The following PRAMEF2 variants were observed in gnomAD, a reference collection of about 807,000 sequenced individuals.
The protein encoded by PRAMEF2 is PRAME family member 2.
In PRAMEF2, 35 loss-of-function variants were observed where a neutral mutation model predicts 38.0. The ratio of observed to expected loss-of-function variants is 0.92; its 90% CI spans 0.70 to 1.22. The LOEUF (loss-of-function observed/expected upper bound fraction) is 1.22, where lower values mean the gene tolerates loss of function less well. Ranked by LOEUF, PRAMEF2 falls within the 50% of genes most tolerant of loss-of-function variation. PRAMEF2 has a pLI of 0.00. For synonymous variants in PRAMEF2, 240 were observed against 232.4 expected (o/e 1.03, Z -0.30); for missense variants, 562 against 553.9 (o/e 1.01, Z -0.15).
At position 12,860,543 on chromosome 1, in the gene PRAMEF2, G is replaced by T. The variant is rs553997255; in HGVS notation, c.866+272G>T. On this transcript the variant is annotated intron_variant, in intron 3 of 3. Transcript: ENST00000240189. Reference sequence around the variant, plus strand: ...CAGTGGGGGTTTCAGCTCTATTGGGGGTGCACGTGTGAATTTCCTGTTACA... The same window carrying T: ...CAGTGGGGGTTTCAGCTCTATTGGGTGTGCACGTGTGAATTTCCTGTTACA... 1.1e-3 allele frequency among the ~76,000 whole-genome samples: 164 copies of T among 149,832 alleles called. 6 individuals are homozygous for T. Among genetic ancestry groups the T allele is most frequent in the African/African-American group, 3.7e-3 (153 of 40,824 alleles).
chr1:12,861,880 A>T lies in PRAMEF2; in HGVS notation c.*101A>T, dbSNP rs1640562676. ...GTGCAAACTATTTTTCTCTTTTCTT[A>T]TTTATTTCATTTTTTAATAATTCCA... is the stretch of plus-strand genomic sequence containing the variant. On this transcript the variant is annotated 3_prime_UTR_variant, in exon 4 of 4. Transcript: ENST00000240189. 6 of 1,445,206 alleles carry T rather than the reference A, an allele frequency of 4.2e-6. 1 individual carries two copies. The Admixed American group carries it at 8.2e-5, about 20-fold the overall frequency. 89.5% of individuals were successfully genotyped at this position (1,445,206 alleles called of 1,614,324 possible). A position where few individuals can be genotyped will look rare whatever the true frequency, so the allele number is the denominator to read the frequency against.
chr1:12,858,519 T>C (rs1015985417), intron 1 of PRAMEF2, among the ~76,000 whole-genome samples: 5 of 149,908 alleles, frequency 3.3e-5, no homozygotes, highest in African/African-American at 7.3e-5. Flanking sequence ...TGGTAGAAAA[T>C]TTTCAAAATA....
At chr1:12,861,098 C>T (rs1165525516) in intron 3 of PRAMEF2, 123 bp from the exon 4 acceptor site, 1 of 1,171,162 alleles carries the variant, frequency 8.5e-7, no homozygotes, top group Non-Finnish European at 1.2e-6. Context: ...TCCATGAGGA[C>T]CATCATCAGA....
rs746844533 is a variant in PRAMEF2 at position 12,859,841 on chromosome 1, C to G, written c.436C>G (p.Pro146Ala). The change falls in exon 3 of 4, where the codon CCC (proline) becomes GCC (alanine). Residue 146 changes from proline (P) to alanine (A), a missense_variant. This residue lies in a region of PRAMEF2 where 486 missense variants were observed against 444.2 expected (regional missense o/e 1.09). Transcript: ENST00000240189. ...EDCPRTGEHQPLKVFIDICLK... is the reference protein window; with the variant it reads ...EDCPRTGEHQALKVFIDICLK... ...CTGTCCAAGGACGGGAGAGCACCAG[C>G]CCTTAAAGGTGTTCATAGACATCTG... 2 of 1,607,386 alleles carry G rather than the reference C, an allele frequency of 1.2e-6. No homozygotes were observed. The highest frequency in any genetic ancestry group is 1.7e-6 in the Non-Finnish European group (2 of 1,177,620).
rs1220039751 is a variant in PRAMEF2 at position 12,859,800 on chromosome 1, G to A, written c.395G>A (p.Arg132Lys). The A allele has an allele frequency of 1.2e-6, 2 of 1,607,328 alleles. No individual in the cohort carries two copies. Among genetic ancestry groups the A allele is most frequent in the Admixed American group, 1.7e-5 (1 of 58,374 alleles). ...TGCTTCCCAGAGGCCATGAGTAAGA[G>A]GCAGACAGCAGAGGACTGTCCAAGG... ...LSCFPEAMSK[R>K]QTAEDCPRTG... is the part of the protein sequence containing the mutation. The change falls in exon 3 of 4, where the codon AGG becomes AAG. Residue 132 changes from arginine (R) to lysine (K), a missense_variant. Around this residue, in one of 2 missense-constraint regions of PRAMEF2, gnomAD observed 486 missense variants for 444.2 expected, o/e 1.09. Coordinates refer to ENST00000240189, the MANE Select transcript of PRAMEF2 (RefSeq NM_023014.1).
rs750702307 is a variant in PRAMEF2 at position 12,858,295 on chromosome 1, C to T, written c.-25-690C>T. ...TTTTTGAGTCAGAGTCCAACGCTGT[C>T]ACCCAGGCTGGAGTGCAGTGGTGTG... On this transcript the variant is annotated intron_variant, in intron 1 of 3. Transcript: ENST00000240189. Among the ~76,000 whole-genome samples, 29 of 149,564 alleles carry T rather than the reference C, an allele frequency of 1.9e-4. 4 individuals carry two copies. The highest frequency in any genetic ancestry group is 1.4e-4 in the Admixed American group (2 of 14,528).
At chr1:12,859,460 C>T (rs1218333200) in intron 2 of PRAMEF2, among the ~76,000 whole-genome samples, 164 bp downstream of exon 2, 1 of 150,952 alleles carries the variant, frequency 6.6e-6, no homozygotes, top group African/African-American at 2.4e-5. Flanking sequence ...AGAGAAAGGA[C>T]TGCTCACCAT....
Position 12,861,438 on chromosome 1 carries a change from C to T in PRAMEF2, c.1084C>T (p.His362Tyr), listed in dbSNP as rs1157068957. 4 of 1,603,528 alleles carry T rather than the reference C, an allele frequency of 2.5e-6. No homozygotes were observed. The highest frequency in any genetic ancestry group is 2.2e-5 in the East Asian group (1 of 44,528). ...ETLVLEGCQI[H>Y]YSQLSAILPG... ...CCTCGTGTTAGAGGGCTGTCAGATC[C>T]ACTACTCCCAACTCAGTGCCATCCT... is the stretch of plus-strand genomic sequence containing the variant. The change falls in exon 4 of 4, where the codon CAC (histidine) becomes TAC (tyrosine). Residue 362 changes from histidine to tyrosine, a missense_variant. Around this residue, in one of 2 missense-constraint regions of PRAMEF2, gnomAD observed 486 missense variants for 444.2 expected, o/e 1.09. Transcript: ENST00000240189.
rs1318909395 is a variant in PRAMEF2, at chr1:12,857,848, A to G, written c.-26+701A>G. Among the ~76,000 whole-genome samples the G allele has an allele frequency of 2.0e-5, 3 of 146,762 alleles. No individual in the cohort carries two copies. In the Admixed American group the frequency reaches 2.1e-4, roughly 10 times the overall value. On this transcript the variant is annotated intron_variant, in intron 1 of 3. Coordinates refer to ENST00000240189, the MANE Select transcript of PRAMEF2 (RefSeq NM_023014.1). ...TGAGTAGCTTGGATTACAGGCACTC[A>G]CCACCATGCCCAGCTAATTTTTGTA...
intron 1 of PRAMEF2, among the ~76,000 whole-genome samples, chr1:12,857,478 G>A (rs1040467645): frequency 1.4e-5 from 2 of 144,860 alleles, no homozygotes; most frequent in African/African-American, 2.6e-5. Flanking sequence ...TGGTGTTATT[G>A]TGATCCTCCA....
rs188201148 is a variant in PRAMEF2, at chr1:12,858,898, C to T, written c.-25-87C>T. 899 of 1,447,090 alleles carry T rather than the reference C, an allele frequency of 6.2e-4. 13 individuals carry two copies. The African/African-American group carries it at 0.011, about 18-fold the overall frequency. 89.6% of individuals were successfully genotyped at this position (1,447,090 alleles called of 1,614,324 possible). ...TAAAGTGGTAATTTTTCTACCTCTA[C>T]CAGAGCAATGATATTGGTCCTAGGA... is the stretch of plus-strand genomic sequence containing the variant. On this transcript the variant is annotated intron_variant, in intron 1 of 3. Coordinates refer to ENST00000240189, the MANE Select transcript of PRAMEF2 (RefSeq NM_023014.1).
chr1:12,858,975 T>G lies in PRAMEF2; in HGVS notation c.-25-10T>G. The stretch of plus-strand genomic sequence containing the variant: ...GAGAGTGATACATTCTCCCTGGATT[T>G]GTCTTCTAGAGATTTTTCTTGCAGA... On this transcript the variant is annotated splice_polypyrimidine_tract_variant and intron_variant, in intron 1 of 3. Coordinates refer to ENST00000240189, the MANE Select transcript of PRAMEF2 (RefSeq NM_023014.1). 6.3e-7 allele frequency: 1 copy of G among 1,591,448 alleles called. No individual in the cohort carries two copies. Among genetic ancestry groups the G allele is most frequent in the Non-Finnish European group, 8.5e-7 (1 of 1,170,630 alleles).
Position 12,860,107 on chromosome 1 carries a change from T to A in PRAMEF2, c.702T>A (p.Leu234=). 1.2e-6 allele frequency: 2 copies of A among 1,606,758 alleles called. No homozygotes were observed. Among genetic ancestry groups the A allele is most frequent in the Non-Finnish European group, 1.7e-6 (2 of 1,176,470 alleles). Reference sequence around the variant, plus strand: ...GTTACCTGAAGGAGATGAAGACTCTTTGCAAACTCGTTTTCTCCAGGTGCC... The same window carrying A: ...GTTACCTGAAGGAGATGAAGACTCTATGCAAACTCGTTTTCTCCAGGTGCC... ...LYCYLKEMKT[L]CKLVFSRCHH... is the part of the protein sequence containing the mutation. Residue 234 remains leucine (L), a synonymous_variant, in exon 3 of 4, where the codon CTT becomes CTA. Coordinates refer to ENST00000240189, the MANE Select transcript of PRAMEF2 (RefSeq NM_023014.1).
At chr1:12,858,045 T>C (rs1340048590) in intron 1 of PRAMEF2, among the ~76,000 whole-genome samples, 1 of 148,178 alleles carries the variant, frequency 6.7e-6, no homozygotes, top group South Asian at 2.2e-4. Context: ...TGGAATACCA[T>C]CACACCACTT....
At chr1:12,861,156 GT>G in intron 3 of PRAMEF2, 64 bp from the exon 4 acceptor site, 1 of 1,532,606 alleles carries the variant, frequency 6.5e-7, no homozygotes, top group South Asian at 1.2e-5. Context: ...TTTCCTTGAG[GT>G]TATTCCCCAC....
intron 2 of PRAMEF2, 49 bp downstream of exon 2, chr1:12,859,345 A>G (rs1640501658): frequency 6.2e-7 from 1 of 1,606,208 alleles, no homozygotes; most frequent in Non-Finnish European, 8.5e-7. Flanking sequence ...TGTCCAGGGA[A>G]AGAACAGCAG....
chr1:12,859,238 C>T lies in PRAMEF2; in HGVS notation c.229C>T (p.Pro77Ser), dbSNP rs141806733. The T allele has an allele frequency of 6.2e-7, 1 of 1,610,360 alleles. No homozygotes were observed. The highest frequency in any genetic ancestry group is 2.2e-5 in the East Asian group (1 of 44,830). ...GCTGATGAAGACGCTTCATCTGGAG[C>T]CATTGAAAGCATTGCTGGAAGGGCT... ...VSLMKTLHLE[P>S]LKALLEGLHM... Residue 77 changes from proline to serine, a missense_variant, in exon 2 of 4, where the codon CCA (proline) becomes TCA (serine). This residue lies in a region of PRAMEF2 where 486 missense variants were observed against 444.2 expected (regional missense o/e 1.09). Coordinates refer to ENST00000240189, the MANE Select transcript of PRAMEF2 (RefSeq NM_023014.1).
At position 12,861,733 on chromosome 1, in the gene PRAMEF2, G is replaced by A. The variant is rs1412693992; in HGVS notation, c.1379G>A (p.Cys460Tyr). The change falls in exon 4 of 4, where the codon TGT (cysteine) becomes TAT (tyrosine). Residue 460 changes from cysteine to tyrosine, a missense_variant. This residue lies in a region of PRAMEF2 where 76 missense variants were observed against 109.6 expected (regional missense o/e 0.69). Transcript: ENST00000240189. ...ATTGGCCCCACCCCCTGCCCTTCCT[G>A]TGGCTCATCACCGTCTGAGGAACTG... is the stretch of plus-strand genomic sequence containing the variant. The part of the protein sequence containing the change: ...IFIGPTPCPS[C>Y]GSSPSEELEL... The A allele has an allele frequency of 1.3e-6, 2 of 1,593,606 alleles. No homozygotes were observed. Among genetic ancestry groups the A allele is most frequent in the Non-Finnish European group, 8.5e-7 (1 of 1,170,436 alleles).
intron 1 of PRAMEF2, among the ~76,000 whole-genome samples, chr1:12,858,427 T>C (rs997389920): frequency 6.7e-6 from 1 of 150,094 alleles, no homozygotes; most frequent in African/African-American, 2.4e-5. Context: ...GTTCTCGAAC[T>C]CCTGACCTCA....
Sources: gnomAD v4.1 joint callset for allele counts (sites outside exome capture counted in the v4.1 genomes callset) on GRCh38, gnomAD v4.1.1 for gene constraint, gnomAD v4.1.1 regional missense constraint, MANE v1.5 for transcripts, NCBI Gene and HGNC (gene_info 2026-07-23, HGNC 2026-07-21) for gene names.